The following SEC22C variants were observed in gnomAD, a reference collection of about 807,000 sequenced individuals.
SEC22C encodes the protein vesicle-trafficking protein SEC22c.
Under a neutral mutation model 34.7 loss-of-function variants are expected in SEC22C, and 29 were observed. The observed-to-expected ratio is 0.84, with a 90% CI of 0.62 to 1.14. The LOEUF (loss-of-function observed/expected upper bound fraction) is 1.14, where lower values mean the gene tolerates loss of function less well. Among genes scored for constraint, SEC22C ranks in the 50% most tolerant of loss-of-function variants. SEC22C has a pLI of 0.00. For missense variants in SEC22C, 337 were observed against 369.0 expected (o/e 0.91, Z 0.71); for synonymous variants, 117 against 132.8 (o/e 0.88, Z 0.82).
At chr3:42,589,098 A>G (rs2125738326) in intron 1 of SEC22C, among the ~76,000 whole-genome samples, 1 of 150,280 alleles carries the variant, frequency 6.7e-6, no homozygotes, top group South Asian at 2.1e-4. Flanking sequence ...CCCCATGTCT[A>G]CTAAAGATAC....
chr3:42,558,186 T>C (rs1702650326), intron 4 of SEC22C, among the ~76,000 whole-genome samples: 1 of 152,090 alleles, frequency 6.6e-6, no homozygotes, highest in Admixed American at 6.6e-5. Context: ...GGGATCAGGC[T>C]GAAAAATCCT....
In SEC22C at chr3:42,551,826, C is replaced by T; in HGVS notation, c.*1422G>A. ...ATATAATTGAATTTTTCTAAAACTA[C>T]ATTCTTACATTCCCTATCCACTCAA... On this transcript the variant is annotated 3_prime_UTR_variant, in exon 7 of 7. Transcript: ENST00000264454. 4.1e-6 allele frequency: 4 copies of T among 979,184 alleles called. No individual in the cohort carries two copies. Among genetic ancestry groups the T allele is most frequent in the Non-Finnish European group, 4.9e-6 (4 of 824,246 alleles). The allele number at this position is 979,184 out of a possible 1,614,324, so 60.7% of individuals were successfully genotyped here. A position where few individuals can be genotyped will look rare whatever the true frequency, so the allele number is the denominator to read the frequency against.
chr3:42,593,910 C>T (rs1035079016), intron 1 of SEC22C, among the ~76,000 whole-genome samples: 3 of 151,954 alleles, frequency 2.0e-5, no homozygotes, highest in African/African-American at 4.8e-5. Context: ...AGGAGTGTGC[C>T]GGATATCTTC....
At chr3:42,594,140 T>C (rs573227961) in intron 1 of SEC22C, among the ~76,000 whole-genome samples, 1 of 152,304 alleles carries the variant, frequency 6.6e-6, no homozygotes, top group African/African-American at 2.4e-5. Context: ...CTCAGGCTGT[T>C]ATGTGGAGAA....
chr3:42,553,201 T>C lies in SEC22C; in HGVS notation c.*47A>G. ...GAGAAGCAGAAAGAGAAACATAGAT[T>C]GATCCTCAAAAGAAAATCAAAGAAT... is the stretch of plus-strand genomic sequence containing the variant. On this transcript the variant is annotated 3_prime_UTR_variant, in exon 7 of 7. Coordinates refer to ENST00000264454, the MANE Select transcript of SEC22C (RefSeq NM_032970.4). 1 of 1,605,742 alleles carries C rather than the reference T, an allele frequency of 6.2e-7. No homozygotes were observed. The highest frequency in any genetic ancestry group is 2.2e-5 in the East Asian group (1 of 44,820).
chr3:42,555,847 T>C, intron 6 of SEC22C, 83 bp downstream of exon 6: 1 of 1,154,142 alleles, frequency 8.7e-7, no homozygotes, highest in Non-Finnish European at 1.3e-6. Flanking sequence ...AAAAATCACA[T>C]CTAGAAACTT....
In SEC22C at chr3:42,553,455, T is replaced by G; in HGVS notation, c.712-7A>C. The G allele has an allele frequency of 6.2e-7, 1 of 1,612,644 alleles. No individual in the cohort carries two copies. ...AGAACAGGTACAAATAACACTGAAATGAGACCAGAAGAGGAATTCCAATCA... is the reference window on the plus strand; with the variant it reads ...AGAACAGGTACAAATAACACTGAAAGGAGACCAGAAGAGGAATTCCAATCA... On this transcript the variant is annotated splice_region_variant and splice_polypyrimidine_tract_variant and intron_variant, in intron 6 of 6. Transcript: ENST00000264454.
intron 1 of SEC22C, among the ~76,000 whole-genome samples, chr3:42,587,066 T>G (rs1375488715): frequency 6.6e-6 from 1 of 152,226 alleles, no homozygotes; most frequent in Non-Finnish European, 1.5e-5. Context: ...TGCACACACT[T>G]CTTTTCTCAT....
In SEC22C at chr3:42,551,713, T is replaced by C; in HGVS notation, c.*1535A>G. The C allele has an allele frequency of 1.0e-6, 1 of 963,814 alleles. No individual in the cohort carries two copies. The highest frequency in any genetic ancestry group is 1.2e-6 in the Non-Finnish European group (1 of 810,278). The allele number at this position is 963,814 out of a possible 1,614,324, so 59.7% of individuals were successfully genotyped here. A position where few individuals can be genotyped will look rare whatever the true frequency, so the allele number is the denominator to read the frequency against. On this transcript the variant is annotated 3_prime_UTR_variant, in exon 7 of 7. Coordinates refer to ENST00000264454, the MANE Select transcript of SEC22C (RefSeq NM_032970.4). ...AAATAAAGTTACTATGGCAACATTT[T>C]CCCAACATAGTTCCCAGTATATAAA...
chr3:42,569,145 G>T, intron 1 of SEC22C, 72 bp from the exon 2 acceptor site: 1 of 943,650 alleles, frequency 1.1e-6, no homozygotes, highest in Non-Finnish European at 1.6e-6. Context: ...CCTGTGAAAT[G>T]CCCACTCTAG....
chr3:42,551,523 G>A lies in SEC22C; in HGVS notation c.*1725C>T. On this transcript the variant is annotated 3_prime_UTR_variant, in exon 7 of 7. Transcript: ENST00000264454. ...CATCCGGCTAATTTTTTTTTTTGTA[G>A]AGATGAATCTTACTATGTTGTCCAG... 1 of 445,782 alleles carries A rather than the reference G, an allele frequency of 2.2e-6. No homozygotes were observed. Among genetic ancestry groups the A allele is most frequent in the Non-Finnish European group, 3.0e-6 (1 of 337,510 alleles). 27.6% of individuals were successfully genotyped at this position (445,782 alleles called of 1,614,324 possible).
In SEC22C at chr3:42,549,318, C is replaced by T; in HGVS notation, c.*3930G>A. 1 of 985,690 alleles carries T rather than the reference C, an allele frequency of 1.0e-6. No homozygotes were observed. Among genetic ancestry groups the T allele is most frequent in the Non-Finnish European group, 1.2e-6 (1 of 830,108 alleles). The allele number at this position is 985,690 out of a possible 1,614,324, so 61.1% of individuals were successfully genotyped here. ...ACTATGCAAGCAAGCAGCAGGTTCT[C>T]AGAAGGCCACTGTCCTGCATGTCAC... On this transcript the variant is annotated 3_prime_UTR_variant, in exon 7 of 7. Coordinates refer to ENST00000264454, the MANE Select transcript of SEC22C (RefSeq NM_032970.4).
rs1305535646 is a variant in SEC22C, at chr3:42,552,826, G to A, written c.*422C>T. 6 of 1,013,960 alleles carry A rather than the reference G, an allele frequency of 5.9e-6. No homozygotes were observed. In the East Asian group the frequency reaches 5.2e-4, roughly 87 times the overall value. 62.8% of individuals were successfully genotyped at this position (1,013,960 alleles called of 1,614,324 possible). On this transcript the variant is annotated 3_prime_UTR_variant, in exon 7 of 7. Transcript: ENST00000264454. ...CCCTCTGAAAAAAAAAACTAATCAA[G>A]TTATGTTTAGACTGAAAGCTGATTT...
chr3:42,586,114 A>G (rs1704601913), upstream of SEC22C, among the ~76,000 whole-genome samples: 1 of 152,036 alleles, frequency 6.6e-6, no homozygotes, highest in South Asian at 2.1e-4. Flanking sequence ...TGAACACTCC[A>G]TTGCTTCACC....
rs912862991 is a variant in SEC22C, at chr3:42,555,969, A to T, written c.672T>A (p.Ile224=). 7 of 1,613,566 alleles carry T rather than the reference A, an allele frequency of 4.3e-6. No homozygotes were observed. The highest frequency in any genetic ancestry group is 5.9e-6 in the Non-Finnish European group (7 of 1,179,816). ...LQVAHEEIGN[I]LAFLVPFVAC... ...CTACGAAAGGAACAAGAAAAGCCAG[A>T]ATGTTTCCAATTTCCTCATGGGCAA... The change falls in exon 6 of 7, where the codon ATT becomes ATA. Residue 224 remains isoleucine (I), a synonymous_variant. Transcript: ENST00000264454.
At chr3:42,563,885 T>C (rs1332849117) in intron 2 of SEC22C, 199 bp from the exon 3 acceptor site, 8 of 1,465,892 alleles carry the variant, frequency 5.5e-6, no homozygotes, top group African/African-American at 1.4e-5. Context: ...AAATGTCTAG[T>C]AGTCTTAATC....
At chr3:42,586,313 G>C (rs749878128), upstream of SEC22C, among the ~76,000 whole-genome samples, 3 of 152,114 alleles carry the variant, frequency 2.0e-5, no homozygotes, top group Non-Finnish European at 4.4e-5. Context: ...ACCTCTGCCT[G>C]CCGGATTCAA....
chr3:42,552,398 T>C lies in SEC22C; in HGVS notation c.*850A>G, dbSNP rs553991806. The stretch of plus-strand genomic sequence containing the variant: ...CCCAAGCGGATCTGTAAAGTGCCAC[T>C]GAATCCATGTTCATTCACCTACTCC... On this transcript the variant is annotated 3_prime_UTR_variant, in exon 7 of 7. Coordinates refer to ENST00000264454, the MANE Select transcript of SEC22C (RefSeq NM_032970.4). 3.0e-5 allele frequency: 30 copies of C among 985,410 alleles called. No individual in the cohort carries two copies. In the African/African-American group the frequency reaches 5.1e-4, roughly 17 times the overall value. The allele number at this position is 985,410 out of a possible 1,614,324, so 61.0% of individuals were successfully genotyped here. A position where few individuals can be genotyped will look rare whatever the true frequency, so the allele number is the denominator to read the frequency against.
At chr3:42,579,670 C>A (rs1704195910) in intron 1 of SEC22C, 1 of 151,776 alleles carries the variant, frequency 6.6e-6, no homozygotes, top group African/African-American at 2.4e-5. Flanking sequence ...AGGACAAAGG[C>A]AGCTTCAGAA....
Sources: allele counts gnomAD v4.1 joint callset (sites outside exome capture counted in the v4.1 genomes callset), GRCh38; gene constraint gnomAD v4.1.1; transcripts MANE v1.5; gene names NCBI Gene and HGNC (gene_info 2026-07-23, HGNC 2026-07-21).